The following SOX6 variants were observed in gnomAD, a reference collection of about 807,000 sequenced individuals.
SOX6 encodes the protein transcription factor SOX-6.
Under a neutral mutation model 97.8 loss-of-function variants are expected in SOX6, and 11 were observed. That is an observed-to-expected ratio of 0.11 (90% CI 0.07 to 0.19). The LOEUF is 0.19. Ranked by LOEUF, SOX6 falls within the 10% of genes least tolerant of loss-of-function variation. The probability of loss-of-function intolerance (pLI) is 1.00; values close to 1 mark genes in which losing one functional copy is unlikely to be tolerated. For missense variants in SOX6, 810 were observed against 1,039.5 expected (o/e 0.78, Z 3.04); for synonymous variants, 360 against 371.4 (o/e 0.97, Z 0.35).
In SOX6 at chr11:16,690,767, G is replaced by T. The variant is rs1393000; in HGVS notation, n.429+24063C>A. On this transcript the variant is annotated intron_variant and non_coding_transcript_variant, in intron 3 of 5. Transcript: ENST00000524520. ...TAAACTCTATTACATCATTTGTAAA[G>T]TGGGAATAATAATTTGTGGGCTGTG... is the stretch of plus-strand genomic sequence containing the variant. 3.1e-3 allele frequency among the ~76,000 whole-genome samples: 474 copies of T among 152,338 alleles called. 4 individuals are homozygous for T. The highest frequency in any genetic ancestry group is 0.011 in the African/African-American group (447 of 41,572).
chr11:16,062,876 A>T (rs1847992591), intron 9 of SOX6, among the ~76,000 whole-genome samples: 1 of 151,746 alleles, frequency 6.6e-6, no homozygotes, highest in African/African-American at 2.4e-5. Flanking sequence ...ACATTATCAA[A>T]TCATTTAGGT....
At chr11:16,065,987 T>C (rs948965722) in intron 9 of SOX6, among the ~76,000 whole-genome samples, 1 of 152,076 alleles carries the variant, frequency 6.6e-6, no homozygotes, top group South Asian at 2.1e-4. Flanking sequence ...ATCCCAATAA[T>C]GGGAGAAAAT....
intron 3 of SOX6, among the ~76,000 whole-genome samples, chr11:16,692,315 G>T (rs1339254948): frequency 6.6e-6 from 1 of 152,090 alleles, no homozygotes; most frequent in Non-Finnish European, 1.5e-5. Context: ...CTTCCAAAGT[G>T]CTGGGATTAC....
chr11:16,496,372 T>G (rs540548684), intron 4 of SOX6, among the ~76,000 whole-genome samples: 5 of 150,152 alleles, frequency 3.3e-5, no homozygotes, highest in African/African-American at 9.8e-5. Context: ...ACAGCTCCAG[T>G]CTACAGCTCC....
chr11:16,640,718 C>T (rs1447105633), intron 3 of SOX6, among the ~76,000 whole-genome samples: 1 of 152,152 alleles, frequency 6.6e-6, no homozygotes, highest in African/African-American at 2.4e-5. Context: ...ATAGTATTCT[C>T]TGATGGTAGT....
At chr11:16,404,724 G>C (rs1338221585) in intron 1 of SOX6, among the ~76,000 whole-genome samples, 2 of 151,916 alleles carry the variant, frequency 1.3e-5, no homozygotes, top group African/African-American at 4.8e-5. Flanking sequence ...TCTGCTCCTT[G>C]CTGTGGAATG....
chr11:16,491,941 G>T (rs1860515659), intron 4 of SOX6, among the ~76,000 whole-genome samples: 1 of 152,022 alleles, frequency 6.6e-6, no homozygotes. Context: ...GGCCTTCAAA[G>T]GTTCCATGAA....
intron 3 of SOX6, among the ~76,000 whole-genome samples, chr11:16,257,020 T>C (rs1853712826): frequency 1.3e-5 from 2 of 151,784 alleles, no homozygotes; most frequent in Non-Finnish European, 3.0e-5. Flanking sequence ...TAAAAATCTA[T>C]ATGAAGAAAA....
At chr11:16,164,177 C>G (rs1032281097) in intron 6 of SOX6, among the ~76,000 whole-genome samples, 2 of 152,058 alleles carry the variant, frequency 1.3e-5, no homozygotes, top group Non-Finnish European at 2.9e-5. Flanking sequence ...CTATGTTGCC[C>G]AGGCTGGTCT....
chr11:16,193,658 C>T (rs1487494061), intron 4 of SOX6, among the ~76,000 whole-genome samples: 1 of 152,132 alleles, frequency 6.6e-6, no homozygotes, highest in Non-Finnish European at 1.5e-5. Context: ...CACTTTTTCA[C>T]ATAAATCCTA....
chr11:16,500,111 C>G (rs1370311856), intron 4 of SOX6, among the ~76,000 whole-genome samples: 1 of 152,150 alleles, frequency 6.6e-6, no homozygotes, highest in East Asian at 1.9e-4. Context: ...GCTTATCCAC[C>G]ATGATCAAGT....
chr11:16,174,353 A>C (rs1453657448), intron 6 of SOX6, among the ~76,000 whole-genome samples: 1 of 151,976 alleles, frequency 6.6e-6, no homozygotes, highest in South Asian at 2.1e-4. Flanking sequence ...GTTTGATATT[A>C]CAACTTTAAC....
rs535275456 is a variant in SOX6 at position 16,319,902 on chromosome 11, T to TA, written c.238-1250dup. On this transcript the variant is annotated intron_variant, in intron 2 of 15. Coordinates refer to ENST00000683767, the MANE Select transcript of SOX6 (RefSeq NM_001367873.1). ...ATCCTCAGATGAGAAATATTTTTCT[T>TA]AAAAAAAAGGACAGGCTTATTATAG... Among the ~76,000 whole-genome samples, 379 of 151,684 alleles carry TA rather than the reference T, an allele frequency of 2.5e-3. 1 individual carries two copies. Among genetic ancestry groups the TA allele is most frequent in the Non-Finnish European group, 2.9e-3 (198 of 67,860 alleles).
chr11:15,970,918 C>G lies in SOX6; in HGVS notation c.*1891G>C, dbSNP rs1035874106. 2.0e-5 allele frequency: 3 copies of G among 152,614 alleles called. No individual in the cohort carries two copies. The highest frequency in any genetic ancestry group is 2.9e-5 in the Non-Finnish European group (2 of 68,056). The allele number at this position is 152,614 out of a possible 1,614,324, so 9.5% of individuals were successfully genotyped here. A position where few individuals can be genotyped will look rare whatever the true frequency, so the allele number is the denominator to read the frequency against. On this transcript the variant is annotated 3_prime_UTR_variant, in exon 16 of 16. Coordinates refer to ENST00000683767, the MANE Select transcript of SOX6 (RefSeq NM_001367873.1). ...ACTAAACCTCTCTGGGGGAAGCCCC[C>G]CGATAGACAACCTGTCCTAGTTTCA...
chr11:16,398,139 C>T (rs998302802), intron 1 of SOX6, among the ~76,000 whole-genome samples: 1 of 151,508 alleles, frequency 6.6e-6, no homozygotes, highest in African/African-American at 2.4e-5. Flanking sequence ...CTTGACAAGT[C>T]CTAACCACCC....
intron 4 of SOX6, among the ~76,000 whole-genome samples, chr11:16,592,015 C>A (rs1428048847): frequency 6.6e-6 from 1 of 152,028 alleles, no homozygotes; most frequent in Non-Finnish European, 1.5e-5. Flanking sequence ...TGGGAGACCA[C>A]AATTCATTTT....
rs1369156011 is a variant in SOX6, at chr11:15,969,262, A to C, written c.*3547T>G. The C allele has an allele frequency of 6.6e-6, 1 of 152,178 alleles. No homozygotes were observed. 9.4% of individuals were successfully genotyped at this position (152,178 alleles called of 1,614,324 possible). A position where few individuals can be genotyped will look rare whatever the true frequency, so the allele number is the denominator to read the frequency against. Reference sequence around the variant, plus strand: ...TTAACATTCTTGAATCTAAACTGACATGACGGGACGTTTATTAACGGCCGA... The same window carrying C: ...TTAACATTCTTGAATCTAAACTGACCTGACGGGACGTTTATTAACGGCCGA... On this transcript the variant is annotated 3_prime_UTR_variant, in exon 16 of 16. Transcript: ENST00000683767.
At chr11:16,090,984 C>T (rs910809102) in intron 9 of SOX6, among the ~76,000 whole-genome samples, 3 of 151,966 alleles carry the variant, frequency 2.0e-5, no homozygotes, top group Non-Finnish European at 4.4e-5. Context: ...ATATTATGCT[C>T]ATTTTACAAT....
At chr11:16,557,988 G>A (rs1010481883) in intron 4 of SOX6, among the ~76,000 whole-genome samples, 3 of 151,842 alleles carry the variant, frequency 2.0e-5, no homozygotes, top group African/African-American at 7.2e-5. Context: ...TCCTTAAGAA[G>A]TCAAAACACA....
Sources: allele counts gnomAD v4.1 joint callset (sites outside exome capture counted in the v4.1 genomes callset), GRCh38; gene constraint gnomAD v4.1.1; transcripts MANE v1.5; gene names NCBI Gene and HGNC (gene_info 2026-07-23, HGNC 2026-07-21).